ANGPT2: variants seen among roughly 807,000 people sequenced by gnomAD.
ANGPT2 encodes angiopoietin 2, also known as angiopoietin-2.
Under a neutral mutation model 62.9 loss-of-function variants are expected in ANGPT2, and 28 were observed. The observed-to-expected ratio is 0.44, with a 90% CI of 0.33 to 0.61. The LOEUF is 0.61. Ranked by LOEUF, ANGPT2 falls within the 20% of genes least tolerant of loss-of-function variation. The probability of loss-of-function intolerance (pLI) is 0.03; values close to 1 mark genes in which losing one functional copy is unlikely to be tolerated. For missense variants in ANGPT2, 727 were observed against 594.9 expected, an observed-to-expected ratio of 1.22 and a Z score of -2.31; for synonymous variants, 284 against 207.8, an observed-to-expected ratio of 1.37 and a Z score of -3.15.
In ANGPT2 at chr8:6,501,593, T is replaced by G. The variant is rs1029836108; in HGVS notation, c.*1508A>C. 9 of 149,758 alleles carry G rather than the reference T, an allele frequency of 6.0e-5. No individual in the cohort carries two copies. Among genetic ancestry groups the G allele is most frequent in the African/African-American group, 2.2e-4 (9 of 40,510 alleles). The allele number at this position is 149,758 out of a possible 1,614,324, so 9.3% of individuals were successfully genotyped here. Reference sequence around the variant, plus strand: ...TTTTTGAGATGGAGTCTTGCTCTGTTGCCCCGGCTGGAGTGCAGTGGTGCG... The same window carrying G: ...TTTTTGAGATGGAGTCTTGCTCTGTGGCCCCGGCTGGAGTGCAGTGGTGCG... On this transcript the variant is annotated 3_prime_UTR_variant, in exon 9 of 9. Coordinates refer to ENST00000629816, the MANE Select transcript of ANGPT2 (RefSeq NM_001118887.2).
intron 1 of ANGPT2, among the ~76,000 whole-genome samples, chr8:6,541,226 G>T (rs752618087): frequency 6.6e-6 from 1 of 152,206 alleles, no homozygotes; most frequent in Non-Finnish European, 1.5e-5. Flanking sequence ...CCCTGACACA[G>T]CAGGGGATGC....
chr8:6,528,929 T>C (rs1818912056), intron 2 of ANGPT2, among the ~76,000 whole-genome samples: 1 of 152,240 alleles, frequency 6.6e-6, no homozygotes, highest in Non-Finnish European at 1.5e-5. Flanking sequence ...CGTAAGGTTT[T>C]GTTTGGGTTT....
chr8:6,515,088 G>A (rs1283190007), intron 5 of ANGPT2, among the ~76,000 whole-genome samples: 1 of 151,986 alleles, frequency 6.6e-6, no homozygotes, highest in Non-Finnish European at 1.5e-5. Flanking sequence ...AGAGATTGCT[G>A]TTTTTTTAGA....
At chr8:6,517,345 G>T (rs924074150) in intron 5 of ANGPT2, among the ~76,000 whole-genome samples, 1 of 152,138 alleles carries the variant, frequency 6.6e-6, no homozygotes, top group East Asian at 1.9e-4. Flanking sequence ...ATTAAGTGAC[G>T]GGTTAAATAG....
chr8:6,547,055 T>A (rs1822724038), intron 1 of ANGPT2, among the ~76,000 whole-genome samples: 1 of 152,114 alleles, frequency 6.6e-6, no homozygotes, highest in Admixed American at 6.5e-5. Flanking sequence ...GTTCCGTGTG[T>A]ACCGTGGTTG....
At chr8:6,560,658 T>C (rs1183637203) in intron 1 of ANGPT2, among the ~76,000 whole-genome samples, 1 of 152,210 alleles carries the variant, frequency 6.6e-6, no homozygotes, top group Admixed American at 6.5e-5. Context: ...AGACGGACTT[T>C]TGAAATACCA....
intron 2 of ANGPT2, 123 bp from the exon 3 acceptor site, chr8:6,527,799 A>C: frequency 1.1e-6 from 1 of 936,276 alleles, no homozygotes; most frequent in East Asian, 2.8e-5. Flanking sequence ...TATTAACCCA[A>C]GTATCTTATT....
intron 1 of ANGPT2, among the ~76,000 whole-genome samples, chr8:6,555,117 T>C (rs768983363): frequency 3.3e-5 from 5 of 152,230 alleles, no homozygotes; most frequent in Non-Finnish European, 7.3e-5. Context: ...TGATTTTTTT[T>C]ACTCTTTTTA....
intron 1 of ANGPT2, among the ~76,000 whole-genome samples, chr8:6,551,147 C>T (rs148529249): frequency 6.6e-6 from 1 of 152,306 alleles, no homozygotes; most frequent in East Asian, 1.9e-4. Flanking sequence ...TGTGCTGATG[C>T]TGACTTAGGA....
At chr8:6,528,186 C>A (rs1818749710) in intron 2 of ANGPT2, among the ~76,000 whole-genome samples, 1 of 152,204 alleles carries the variant, frequency 6.6e-6, no homozygotes, top group South Asian at 2.1e-4. Context: ...GCATTAGCCA[C>A]TGCACCCGGC....
rs990607659 is a variant in ANGPT2 at position 6,521,219 on chromosome 8, T to G, written c.758A>C (p.Glu253Ala). The G allele has an allele frequency of 4.3e-6, 7 of 1,613,802 alleles. No individual in the cohort carries two copies. In the African/African-American group the frequency reaches 9.3e-5, roughly 22 times the overall value. Residue 253 changes from glutamate to alanine, a missense_variant, in exon 4 of 9, where the codon GAG (glutamate) becomes GCG (alanine). By Grantham distance (107) the Glu-to-Ala change is moderately radical. Coordinates refer to ENST00000629816, the MANE Select transcript of ANGPT2 (RefSeq NM_001118887.2). ...CATAGTCAGTAAGTTATTAACTGTC[T>G]CCATGAGATCATGTTGCTGCTTCTG... ...VLQKQQHDLM[E>A]TVNNLLTMMS...
At chr8:6,537,388 G>A in intron 1 of ANGPT2, among the ~76,000 whole-genome samples, 1 of 152,004 alleles carries the variant, frequency 6.6e-6, no homozygotes, top group East Asian at 1.9e-4. Flanking sequence ...AGTGAGTTAT[G>A]CAAGTTTAAC....
chr8:6,556,474 C>T (rs28483192), intron 1 of ANGPT2, among the ~76,000 whole-genome samples: 5,551 of 149,362 alleles, frequency 0.037, 176 homozygotes, highest in African/African-American at 0.087. Context: ...CCCTCACACG[C>T]CTGACTCCCT....
At chr8:6,510,291 C>T (rs746563902) in intron 7 of ANGPT2, among the ~76,000 whole-genome samples, 3 of 152,030 alleles carry the variant, frequency 2.0e-5, no homozygotes, top group Non-Finnish European at 4.4e-5. Context: ...GTTGGGTCCT[C>T]ACGTCCTGAT....
intron 8 of ANGPT2, among the ~76,000 whole-genome samples, chr8:6,505,580 AT>A (rs1164688640): frequency 8.5e-6 from 1 of 117,834 alleles, no homozygotes; most frequent in African/African-American, 3.2e-5. Context: ...TAGAATGTAT[AT>A]TCTTTTTGTA....
chr8:6,516,655 C>T (rs1816328500), intron 5 of ANGPT2, among the ~76,000 whole-genome samples: 1 of 152,124 alleles, frequency 6.6e-6, no homozygotes, highest in Admixed American at 6.5e-5. Flanking sequence ...GAATAAGCTA[C>T]TTTGGTTTGA....
Position 6,505,239 on chromosome 8 carries a change from A to ATAC in ANGPT2, c.1328-1979_1328-1978insGTA, listed in dbSNP as rs1554514577. Among the ~76,000 whole-genome samples, 76 of 60,864 alleles carry ATAC rather than the reference A, an allele frequency of 1.2e-3. 13 individuals carry two copies. Among genetic ancestry groups the ATAC allele is most frequent in the African/African-American group, 6.3e-3 (67 of 10,596 alleles). The allele number at this position is 60,864 out of a possible 152,430, so 39.9% of individuals were successfully genotyped here. A position where few individuals can be genotyped will look rare whatever the true frequency, so the allele number is the denominator to read the frequency against. ...TATATATATTCTTATGTATATATAG[A>ATAC]ATATATATTCTTTATATATGTTTTA... is the stretch of plus-strand genomic sequence containing the variant. On this transcript the variant is annotated intron_variant, in intron 8 of 8. Transcript: ENST00000629816.
chr8:6,533,521 T>G (rs1220448058), intron 1 of ANGPT2, among the ~76,000 whole-genome samples: 1 of 152,032 alleles, frequency 6.6e-6, no homozygotes, highest in Non-Finnish European at 1.5e-5. Flanking sequence ...AAGCTGTGCT[T>G]TTAAAGTCAT....
chr8:6,526,156 A>AT (rs1818285969), intron 3 of ANGPT2, among the ~76,000 whole-genome samples: 2 of 150,994 alleles, frequency 1.3e-5, no homozygotes, highest in Admixed American at 6.6e-5. Context: ...ACGGTGGCTC[A>AT]TGCCTGTAAT....
Sources: allele counts gnomAD v4.1 joint callset (sites outside exome capture counted in the v4.1 genomes callset), GRCh38; gene constraint gnomAD v4.1.1; transcripts MANE v1.5; gene names NCBI Gene and HGNC (gene_info 2026-07-23, HGNC 2026-07-21).